The following SRSF1 variants were observed in gnomAD, a reference collection of about 807,000 sequenced individuals.
SRSF1 encodes the protein serine and arginine rich splicing factor 1, also known as serine/arginine-rich splicing factor 1.
Under a neutral mutation model 25.9 loss-of-function variants are expected in SRSF1, and 1 was observed. The ratio of observed to expected loss-of-function variants is 0.04; its 90% CI spans 0.01 to 0.18. SRSF1 has a LOEUF of 0.18. Among genes scored for constraint, SRSF1 ranks in the 10% least tolerant of loss-of-function variants. The pLI, the probability that SRSF1 is intolerant of heterozygous loss-of-function variation, is 1.00. For synonymous variants in SRSF1, 132 were observed against 126.2 expected (o/e 1.05, Z -0.31); for missense variants, 65 against 350.5 (o/e 0.19, Z 6.50).
Position 58,007,143 on chromosome 17 carries a change from T to A in SRSF1, c.-6A>T, listed in dbSNP as rs760461361. On this transcript the variant is annotated 5_prime_UTR_variant, in exon 1 of 4. Coordinates refer to ENST00000258962, the MANE Select transcript of SRSF1 (RefSeq NM_006924.5). ...ATCACACCACCTCCCGACATGGCGGTGACGAAAAGCGCGGACTCGAGAACA... is the reference window on the plus strand; with the variant it reads ...ATCACACCACCTCCCGACATGGCGGAGACGAAAAGCGCGGACTCGAGAACA... The A allele has an allele frequency of 1.1e-5, 17 of 1,613,624 alleles. No homozygotes were observed. The highest frequency in any genetic ancestry group is 1.4e-5 in the Non-Finnish European group (17 of 1,179,934).
intron 1 of SRSF1, 103 bp downstream of exon 1, chr17:58,006,841 C>A (rs766828596): frequency 7.4e-5 from 104 of 1,405,376 alleles, no homozygotes; most frequent in Admixed American, 6.2e-4. Context: ...GCCCCAACCT[C>A]TCTAAGAGCC....
rs976461011 is a variant in SRSF1 at position 58,005,342 on chromosome 17, G to A, written c.*64C>T. ...AACAGTTTGAATTAAAAAATGAAAA[G>A]ATTGTACTGAATAAAGGAAAACTGT... On this transcript the variant is annotated 3_prime_UTR_variant, in exon 4 of 4. Transcript: ENST00000258962. The surrounding 1 kb of genome is among the most constrained non-coding windows in gnomAD (Gnocchi z 5.2). The A allele has an allele frequency of 1.4e-5, 21 of 1,554,798 alleles. No individual in the cohort carries two copies. The highest frequency in any genetic ancestry group is 1.8e-5 in the Non-Finnish European group (21 of 1,137,272).
In SRSF1 at chr17:58,002,523, G is replaced by A. The variant is rs1402803110; in HGVS notation, c.*2883C>T. Among the ~76,000 whole-genome samples the A allele has an allele frequency of 2.6e-5, 4 of 152,292 alleles. No homozygotes were observed. In the East Asian group the frequency reaches 7.7e-4, roughly 29 times the overall value. On this transcript the variant is annotated 3_prime_UTR_variant, in exon 4 of 4. Transcript: ENST00000258962. ...AGGGGCTGTCAGTAGACAAATACAAGAAGTAGCAGGCTAAAAGTTTTTAAC... is the reference window on the plus strand; with the variant it reads ...AGGGGCTGTCAGTAGACAAATACAAAAAGTAGCAGGCTAAAAGTTTTTAAC...
At chr17:57,991,715 G>C in the SRSF1 span, 1 of 151,712 alleles carries the variant, frequency 6.6e-6, no homozygotes, top group Admixed American at 6.6e-5. Context: ...GCCTGAACTG[G>C]ATAAGCACAC....
the SRSF1 span, chr17:57,990,640 A>C: frequency 6.6e-6 from 1 of 152,204 alleles, no homozygotes; most frequent in Non-Finnish European, 1.5e-5. Context: ...GCTTCCACAG[A>C]CTATATACTG....
chr17:57,996,190 T>C (rs949973371), downstream of SRSF1, among the ~76,000 whole-genome samples: 2 of 151,906 alleles, frequency 1.3e-5, no homozygotes, highest in Admixed American at 6.6e-5. Flanking sequence ...GTTTAAAACA[T>C]AAGACTTTGG....
chr17:58,006,595 A>C (rs2075430017), intron 1 of SRSF1, 68 bp from the exon 2 acceptor site: 33 of 1,502,896 alleles, frequency 2.2e-5, no homozygotes, highest in Non-Finnish European at 2.9e-5. Flanking sequence ...GTTGGGAACC[A>C]GCAAACCCCC....
chr17:57,999,482 C>A (rs999264846), downstream of SRSF1, among the ~76,000 whole-genome samples: 2 of 152,076 alleles, frequency 1.3e-5, no homozygotes, highest in Admixed American at 1.3e-4. Flanking sequence ...ACTCTGAAAA[C>A]CTAAATGGAT....
In SRSF1 at chr17:58,005,993, T is replaced by C. The variant is rs997913217; in HGVS notation, c.380-20A>G. 6.2e-7 allele frequency: 1 copy of C among 1,603,526 alleles called. No homozygotes were observed. Among genetic ancestry groups the C allele is most frequent in the Admixed American group, 1.7e-5 (1 of 59,534 alleles). On this transcript the variant is annotated intron_variant, in intron 2 of 3. Transcript: ENST00000258962. The surrounding 1 kb of genome is among the most constrained non-coding windows in gnomAD (Gnocchi z 5.2). ...GCAGTCCTGAAAAAGTGATTTTTTT[T>C]TTCTTAGTACCAATTATCTTAAATT...
At position 58,002,118 on chromosome 17, in the gene SRSF1, T is replaced by C. The variant is rs2075395405; in HGVS notation, c.*3288A>G. Among the ~76,000 whole-genome samples, 2 of 152,346 alleles carry C rather than the reference T, an allele frequency of 1.3e-5. No individual in the cohort carries two copies. Among genetic ancestry groups the C allele is most frequent in the South Asian group, 4.1e-4 (2 of 4,826 alleles). On this transcript the variant is annotated 3_prime_UTR_variant, in exon 4 of 4. Coordinates refer to ENST00000258962, the MANE Select transcript of SRSF1 (RefSeq NM_006924.5). ...ATAATCTGATGAATTTTTAAAATGT[T>C]CTACACATAAAACTTCTTAGAATTT...
At position 58,004,371 on chromosome 17, in the gene SRSF1, TA is replaced by T. The variant is rs2075412781; in HGVS notation, c.*1034del. On this transcript the variant is annotated 3_prime_UTR_variant, in exon 4 of 4. Coordinates refer to ENST00000258962, the MANE Select transcript of SRSF1 (RefSeq NM_006924.5). ...CCCATTTGCAATTTAATTTGTAAAT[TA>T]AAGTCTTTTAAACATATGAACCAAT... The T allele has an allele frequency of 6.5e-6, 1 of 152,730 alleles. No individual in the cohort carries two copies. Among genetic ancestry groups the T allele is most frequent in the East Asian group, 1.9e-4 (1 of 5,192 alleles). The allele number at this position is 152,730 out of a possible 1,614,324, so 9.5% of individuals were successfully genotyped here. A position where few individuals can be genotyped will look rare whatever the true frequency, so the allele number is the denominator to read the frequency against.
chr17:57,995,253 G>A, the SRSF1 span, among the ~76,000 whole-genome samples: 1 of 152,200 alleles, frequency 6.6e-6, no homozygotes, highest in African/African-American at 2.4e-5. Context: ...ACAAATTTAA[G>A]TGTATACTCA....
At chr17:57,996,211 G>A (rs79483990), downstream of SRSF1, among the ~76,000 whole-genome samples, 3,674 of 152,178 alleles carry the variant, frequency 0.024, 136 homozygotes, top group African/African-American at 0.083. Context: ...GGAGCCGGGC[G>A]CGGTGGCTTA....
Position 58,007,208 on chromosome 17 carries a change from G to C in SRSF1, c.-71C>G, listed in dbSNP as rs1022954812. 2 of 1,565,062 alleles carry C rather than the reference G, an allele frequency of 1.3e-6. No homozygotes were observed. The highest frequency in any genetic ancestry group is 1.7e-6 in the Non-Finnish European group (2 of 1,148,606). On this transcript the variant is annotated 5_prime_UTR_variant, in exon 1 of 4. Transcript: ENST00000258962. The stretch of plus-strand genomic sequence containing the variant: ...GCCTAGCGCACGGCAGAGCGAGCCC[G>C]CAGCGGCACCACGTCTCCCGCGGCC...
chr17:57,992,686 T>G, the SRSF1 span: 1 of 152,190 alleles, frequency 6.6e-6, no homozygotes, highest in African/African-American at 2.4e-5. Flanking sequence ...AAAAATTTAC[T>G]AATTGTTAAT....
downstream of SRSF1, among the ~76,000 whole-genome samples, chr17:57,996,495 A>AAAAAAC (rs1555574751): frequency 5.3e-5 from 8 of 150,908 alleles, no homozygotes; most frequent in Admixed American, 2.0e-4. Flanking sequence ...AAAAAAAAAA[A>AAAAAAC]AAAAAAAACA....
Position 58,002,869 on chromosome 17 carries a change from G to A in SRSF1, c.*2537C>T, listed in dbSNP as rs1039244486. On this transcript the variant is annotated 3_prime_UTR_variant, in exon 4 of 4. Coordinates refer to ENST00000258962, the MANE Select transcript of SRSF1 (RefSeq NM_006924.5). Reference sequence around the variant, plus strand: ...CTCTACTAAAAATACAAAATTAGCCGGGCAAGGGTGGCACACACTTGTAGT... The same window carrying A: ...CTCTACTAAAAATACAAAATTAGCCAGGCAAGGGTGGCACACACTTGTAGT... Among the ~76,000 whole-genome samples the A allele has an allele frequency of 2.0e-5, 3 of 152,126 alleles. No homozygotes were observed. Among genetic ancestry groups the A allele is most frequent in the Non-Finnish European group, 2.9e-5 (2 of 67,972 alleles).
chr17:58,005,654 A>G lies in SRSF1; in HGVS notation c.553-54T>C, dbSNP rs2143483161. On this transcript the variant is annotated intron_variant, in intron 3 of 3. Coordinates refer to ENST00000258962, the MANE Select transcript of SRSF1 (RefSeq NM_006924.5). This position sits in a 1 kb window ranked among gnomAD's most constrained non-coding sequence, Gnocchi z 5.2. ...AAGATCTAAGCTTTCATCTATCTTC[A>G]GACATGCTGAATGAATACAATGTAA... 6.2e-7 allele frequency: 1 copy of G among 1,610,232 alleles called. No individual in the cohort carries two copies. The highest frequency in any genetic ancestry group is 2.2e-5 in the East Asian group (1 of 44,824).
chr17:58,001,886 A>AC lies in SRSF1; in HGVS notation c.*3519dup, dbSNP rs2075393609. On this transcript the variant is annotated 3_prime_UTR_variant, in exon 4 of 4. Transcript: ENST00000258962. ...AAATTCAGCCTGTATAACAAGGAAT[A>AC]CTGTCTCATTTCAATGTGAGGTTAG... Among the ~76,000 whole-genome samples the AC allele has an allele frequency of 6.6e-6, 1 of 152,220 alleles. No individual in the cohort carries two copies. Among genetic ancestry groups the AC allele is most frequent in the Non-Finnish European group, 1.5e-5 (1 of 68,034 alleles).
Sources: allele counts gnomAD v4.1 joint callset (sites outside exome capture counted in the v4.1 genomes callset), GRCh38; gene constraint gnomAD v4.1.1; non-coding constraint Gnocchi (gnomAD v3.1); transcripts MANE v1.5; gene names NCBI Gene and HGNC (gene_info 2026-07-23, HGNC 2026-07-21).